The following PCSK2 variants were observed in gnomAD, a reference collection of about 807,000 sequenced individuals.
The protein encoded by PCSK2 is neuroendocrine convertase 2.
Under a neutral mutation model 69.7 loss-of-function variants are expected in PCSK2, and 14 were observed. That is an observed-to-expected ratio of 0.20 (90% CI 0.13 to 0.31). The LOEUF is 0.31. Ranked by LOEUF, PCSK2 falls within the 10% of genes least tolerant of loss-of-function variation. PCSK2 has a pLI of 1.00. For missense variants in PCSK2, 544 were observed against 842.5 expected (o/e 0.65, Z 4.39); for synonymous variants, 307 against 320.7 (o/e 0.96, Z 0.46).
At chr20:17,362,701 G>T (rs150279359) in intron 4 of PCSK2, among the ~76,000 whole-genome samples, 4 of 152,208 alleles carry the variant, frequency 2.6e-5, no homozygotes, top group Non-Finnish European at 5.9e-5. Context: ...AATGGGCACC[G>T]GTAACTCTGC....
chr20:17,365,562 C>T (rs993946015), intron 4 of PCSK2, among the ~76,000 whole-genome samples: 1 of 152,096 alleles, frequency 6.6e-6, no homozygotes, highest in South Asian at 2.1e-4. Context: ...AGCCCAGAGT[C>T]TCATCTAAAT....
intron 1 of PCSK2, among the ~76,000 whole-genome samples, chr20:17,250,691 C>A (rs2122974834): frequency 6.6e-6 from 1 of 152,250 alleles, no homozygotes; most frequent in South Asian, 2.1e-4. Flanking sequence ...CCTCAGTTTA[C>A]ATTTAATTTC....
At chr20:17,421,987 T>C (rs1040370665) in intron 6 of PCSK2, among the ~76,000 whole-genome samples, 5 of 152,164 alleles carry the variant, frequency 3.3e-5, no homozygotes, top group Non-Finnish European at 5.9e-5. Flanking sequence ...AAAGACTTTA[T>C]CATAAGTTAT....
rs1331272085 is a variant in PCSK2, at chr20:17,351,926, A to T, written c.283-6401A>T. On this transcript the variant is annotated intron_variant, in intron 2 of 11. Transcript: ENST00000262545. ...GTCAACTTATATCTCTTCATTTATG[A>T]TATGATTCTATACCTAGAAAACCCT... Among the ~76,000 whole-genome samples, 5 of 152,318 alleles carry T rather than the reference A, an allele frequency of 3.3e-5. No homozygotes were observed. The East Asian group carries it at 9.6e-4, about 29-fold the overall frequency.
At chr20:17,257,135 G>A (rs1226442555) in intron 1 of PCSK2, among the ~76,000 whole-genome samples, 2 of 152,020 alleles carry the variant, frequency 1.3e-5, no homozygotes, top group African/African-American at 4.8e-5. Flanking sequence ...ACTTCTCAAA[G>A]GAAGATACTT....
At chr20:17,428,969 A>G (rs1249559459) in intron 6 of PCSK2, among the ~76,000 whole-genome samples, 1 of 122,494 alleles carries the variant, frequency 8.2e-6, no homozygotes, top group African/African-American at 3.1e-5. Context: ...ACTGCATTCC[A>G]GCCTGGGTGA....
chr20:17,358,048 G>GT (rs1376970607), intron 2 of PCSK2, among the ~76,000 whole-genome samples: 7 of 152,124 alleles, frequency 4.6e-5, no homozygotes, highest in Admixed American at 1.3e-4. Flanking sequence ...GCTCACGCCT[G>GT]TAATCCCAGC....
intron 11 of PCSK2, among the ~76,000 whole-genome samples, chr20:17,466,836 C>T (rs2033110954): frequency 6.6e-6 from 1 of 152,172 alleles, no homozygotes; most frequent in Non-Finnish European, 1.5e-5. Context: ...TCCACAGGCA[C>T]CCTTTGTTTT....
chr20:17,339,500 GT>G (rs1990448651), intron 2 of PCSK2, among the ~76,000 whole-genome samples: 1 of 145,868 alleles, frequency 6.9e-6, no homozygotes, highest in Non-Finnish European at 1.5e-5. Context: ...AAATGTTTTG[GT>G]TGTTTTTGTT....
upstream of PCSK2, chr20:17,226,862 G>A (rs1271147821): frequency 7.4e-6 from 1 of 135,546 alleles, no homozygotes; most frequent in Admixed American, 7.6e-5. Context: ...GGGCCGGGCC[G>A]GGGGTGGGCG....
At chr20:17,377,811 T>C (rs1197241874) in intron 5 of PCSK2, among the ~76,000 whole-genome samples, 1 of 152,256 alleles carries the variant, frequency 6.6e-6, no homozygotes, top group Non-Finnish European at 1.5e-5. Flanking sequence ...AGGAAACTAT[T>C]TATTTTTACA....
At chr20:17,282,340 A>T (rs1465664349) in intron 2 of PCSK2, among the ~76,000 whole-genome samples, 1 of 152,172 alleles carries the variant, frequency 6.6e-6, no homozygotes, top group Non-Finnish European at 1.5e-5. Flanking sequence ...AAGGGTTCAA[A>T]GAAGGGAGAA....
At chr20:17,429,378 A>C in intron 6 of PCSK2, 57 bp from the exon 7 acceptor site, 2 of 1,263,078 alleles carry the variant, frequency 1.6e-6, no homozygotes, top group Admixed American at 1.7e-5. Flanking sequence ...AGCCCATGAG[A>C]GATCTAGCCA....
At chr20:17,414,551 C>T (rs898332163) in intron 6 of PCSK2, among the ~76,000 whole-genome samples, 5 of 152,096 alleles carry the variant, frequency 3.3e-5, no homozygotes, top group African/African-American at 1.2e-4. Flanking sequence ...TAATAGCCTA[C>T]CAACCAAAAA....
chr20:17,273,486 A>G (rs1336436931), intron 2 of PCSK2, among the ~76,000 whole-genome samples: 1 of 152,204 alleles, frequency 6.6e-6, no homozygotes, highest in Admixed American at 6.5e-5. Context: ...TCTAAAGTAC[A>G]TGTTAATTTC....
chr20:17,391,533 G>A (rs2031373374), intron 5 of PCSK2, among the ~76,000 whole-genome samples: 1 of 152,142 alleles, frequency 6.6e-6, no homozygotes, highest in Non-Finnish European at 1.5e-5. Context: ...AAATGGAAGG[G>A]AGCCTCTTCT....
intron 2 of PCSK2, among the ~76,000 whole-genome samples, chr20:17,278,222 A>G (rs1027259594): frequency 1.3e-5 from 2 of 152,232 alleles, no homozygotes; most frequent in Non-Finnish European, 2.9e-5. Flanking sequence ...ATTACTGGGT[A>G]TATAACCAAA....
chr20:17,463,548 G>A (rs938569314), intron 10 of PCSK2: 1 of 149,586 alleles, frequency 6.7e-6, no homozygotes, highest in African/African-American at 2.5e-5. Context: ...TAGGGTACAT[G>A]TGCACAATGT....
chr20:17,362,457 T>C (rs1039909011), intron 4 of PCSK2, among the ~76,000 whole-genome samples: 4 of 152,214 alleles, frequency 2.6e-5, no homozygotes, highest in Non-Finnish European at 5.9e-5. Flanking sequence ...CACTGGAGTC[T>C]ATCATGCAGG....
Sources: gnomAD v4.1 joint callset for allele counts (sites outside exome capture counted in the v4.1 genomes callset) on GRCh38, gnomAD v4.1.1 for gene constraint, MANE v1.5 for transcripts, NCBI Gene and HGNC (gene_info 2026-07-23, HGNC 2026-07-21) for gene names.